CTBP2: variants seen among roughly 807,000 people sequenced by gnomAD.
The protein encoded by CTBP2 is C-terminal binding protein 2, also known as C-terminal-binding protein 2.
Under a neutral mutation model 80.3 loss-of-function variants are expected in CTBP2, and 30 were observed. That is an observed-to-expected ratio of 0.37 (90% CI 0.28 to 0.51). CTBP2 has a LOEUF of 0.51. Ranked by LOEUF, CTBP2 falls within the 20% of genes least tolerant of loss-of-function variation. The pLI, the probability that CTBP2 is intolerant of heterozygous loss-of-function variation, is 0.93. For synonymous variants in CTBP2, 594 were observed against 587.4 expected (o/e 1.01, Z -0.16); for missense variants, 1,212 against 1,375.3 (o/e 0.88, Z 1.88).
chr10:125,138,288 G>A (rs2133225334), intron 1 of CTBP2: 1 of 152,286 alleles, frequency 6.6e-6, no homozygotes, highest in East Asian at 1.9e-4. Context: ...AACCAAGGGA[G>A]CCAACGGAGT....
At chr10:125,001,320 C>G (rs909502167) in intron 3 of CTBP2, 3 of 152,390 alleles carry the variant, frequency 2.0e-5, no homozygotes, top group African/African-American at 7.2e-5. Flanking sequence ...GTGCGGGGGA[C>G]AAGGATTTGA....
At position 125,026,533 on chromosome 10, in the gene CTBP2, T is replaced by C; in HGVS notation, c.1227A>G (p.Ala409=). The C allele has an allele frequency of 1.9e-6, 3 of 1,590,128 alleles. No homozygotes were observed. Among genetic ancestry groups the C allele is most frequent in the Non-Finnish European group, 2.6e-6 (3 of 1,168,718 alleles). ...CCGTCTCCAGGAGGTGCTGAGATGG[T>C]GCGCTGGAGGGACGGCGAGCCGGGT... Residue 409 remains alanine (A), a synonymous_variant, in exon 1 of 9, where the codon GCA becomes GCG. Coordinates refer to ENST00000309035, the MANE Select transcript of CTBP2 (RefSeq NM_022802.3).
intron 1 of CTBP2, among the ~76,000 whole-genome samples, chr10:125,020,680 C>T (rs932634800): frequency 7.2e-5 from 11 of 152,172 alleles, no homozygotes; most frequent in African/African-American, 1.9e-4. Context: ...AATCATTTGT[C>T]GACCTCTTCC....
At chr10:125,047,700 T>C (rs1178838756) in intron 2 of CTBP2, among the ~76,000 whole-genome samples, 2 of 152,248 alleles carry the variant, frequency 1.3e-5, no homozygotes. Flanking sequence ...AACCATATTA[T>C]AGAACACTGT....
intron 8 of CTBP2, among the ~76,000 whole-genome samples, chr10:124,992,206 G>GC (rs1174671268): frequency 1.9e-5 from 2 of 103,316 alleles, no homozygotes; most frequent in Non-Finnish European, 4.0e-5. Context: ...TCTTTGAGAA[G>GC]CCCTTTTTTT....
chr10:124,991,427 A>G (rs1328864895), intron 8 of CTBP2, among the ~76,000 whole-genome samples: 1 of 152,202 alleles, frequency 6.6e-6, no homozygotes, highest in Non-Finnish European at 1.5e-5. Flanking sequence ...GCTCCACCCA[A>G]CAGGGGAATC....
chr10:125,149,881 G>T (rs1565047723), intron 1 of CTBP2, among the ~76,000 whole-genome samples: 1 of 152,190 alleles, frequency 6.6e-6, no homozygotes. Flanking sequence ...TCAGTTCTCT[G>T]ATAGCCTCTT....
chr10:125,065,149 G>A (rs1455912422), intron 2 of CTBP2, among the ~76,000 whole-genome samples: 3 of 152,180 alleles, frequency 2.0e-5, no homozygotes, highest in Admixed American at 6.5e-5. Flanking sequence ...CAAAAACTGT[G>A]GTTGCGGAGG....
At chr10:125,111,617 C>T (rs535267445) in intron 1 of CTBP2, among the ~76,000 whole-genome samples, 1 of 152,334 alleles carries the variant, frequency 6.6e-6, no homozygotes, top group South Asian at 2.1e-4. Flanking sequence ...AAATTGATTA[C>T]TCAGTTAAGA....
chr10:125,090,733 G>A (rs1380266321), intron 2 of CTBP2, among the ~76,000 whole-genome samples: 1 of 151,078 alleles, frequency 6.6e-6, no homozygotes, highest in Non-Finnish European at 1.5e-5. Context: ...CACCCTGGAC[G>A]ACAGAGCAAG....
At chr10:125,157,650 G>A (rs2133516723) in intron 1 of CTBP2, among the ~76,000 whole-genome samples, 1 of 149,624 alleles carries the variant, frequency 6.7e-6, no homozygotes, top group East Asian at 2.0e-4. Context: ...AGGGTAGGGG[G>A]AGGGGGTGAC....
At chr10:125,097,221 C>T (rs1201346202) in intron 2 of CTBP2, among the ~76,000 whole-genome samples, 1 of 152,200 alleles carries the variant, frequency 6.6e-6, no homozygotes, top group East Asian at 1.9e-4. Context: ...ATCTGATCCA[C>T]ACCTGACTCA....
chr10:125,064,355 G>A (rs1234021856), intron 2 of CTBP2, among the ~76,000 whole-genome samples: 2 of 152,052 alleles, frequency 1.3e-5, no homozygotes, highest in Non-Finnish European at 2.9e-5. Flanking sequence ...CCATAATTAC[G>A]GGAACAGGCA....
rs187796467 is a variant in CTBP2, at chr10:125,042,905, C to T, written c.-101-3750G>A. Among the ~76,000 whole-genome samples the T allele has an allele frequency of 4.6e-3, 694 of 152,314 alleles. 16 individuals carry two copies. The highest frequency in any genetic ancestry group is 0.038 in the Admixed American group (581 of 15,300). ...CCAAACCGCACAAGAAACACTACCT[C>T]CTCCCAAAAGGAAAGTTACGGGTAT... On this transcript the variant is annotated intron_variant, in intron 2 of 10. Coordinates refer to the CTBP2 transcript ENST00000337195.
At chr10:125,091,880 T>C (rs1848815705) in intron 2 of CTBP2, among the ~76,000 whole-genome samples, 1 of 152,230 alleles carries the variant, frequency 6.6e-6, no homozygotes, top group Admixed American at 6.5e-5. Flanking sequence ...ATAATCACTA[T>C]GAACTGCTCC....
intron 2 of CTBP2, among the ~76,000 whole-genome samples, chr10:125,093,685 A>C (rs1396042599): frequency 6.6e-6 from 1 of 152,182 alleles, no homozygotes; most frequent in Non-Finnish European, 1.5e-5. Context: ...TTGGGGAAAG[A>C]CTGGCAAAGC....
At chr10:125,051,510 G>T (rs560883553) in intron 2 of CTBP2, among the ~76,000 whole-genome samples, 1 of 152,012 alleles carries the variant, frequency 6.6e-6, no homozygotes, top group African/African-American at 2.4e-5. Flanking sequence ...TGTGGTGGTG[G>T]GCACCTGTAA....
chr10:125,045,733 T>G (rs953556225), intron 2 of CTBP2, among the ~76,000 whole-genome samples: 1 of 152,110 alleles, frequency 6.6e-6, no homozygotes, highest in African/African-American at 2.4e-5. Context: ...TCAGGTGTCC[T>G]GACCCCTCGG....
intron 3 of CTBP2, among the ~76,000 whole-genome samples, chr10:125,033,169 AG>A (rs1217482274): frequency 6.6e-6 from 1 of 152,194 alleles, no homozygotes; most frequent in Non-Finnish European, 1.5e-5. Flanking sequence ...CAAAACCCTC[AG>A]GTGATGAGAA....
Sources: allele counts gnomAD v4.1 joint callset (sites outside exome capture counted in the v4.1 genomes callset), GRCh38; gene constraint gnomAD v4.1.1; transcripts MANE v1.5; gene names NCBI Gene and HGNC (gene_info 2026-07-23, HGNC 2026-07-21).